Variants in TMLHE observed in about 807,000 individuals in gnomAD.
TMLHE encodes trimethyllysine dioxygenase, mitochondrial.
A neutral mutation model predicts 25.7 loss-of-function variants in TMLHE; 18 were observed. The observed-to-expected ratio is 0.70, with a 90% confidence interval of 0.48 to 1.04. The LOEUF is 1.04. Ranked by LOEUF, TMLHE falls within the 50% of genes least tolerant of loss-of-function variation. TMLHE has a pLI of 0.00. For missense variants in TMLHE, 236 were observed against 259.0 expected (o/e 0.91, Z 0.61); for synonymous variants, 105 against 97.0 (o/e 1.08, Z -0.49).
intron 1 of TMLHE, among the ~76,000 whole-genome samples, chrX:155,593,990 A>C (rs1301959279): frequency 9.0e-6 from 1 of 111,519 alleles, no homozygotes; most frequent in African/African-American, 3.3e-5. Context: ...CATGAAGAAG[A>C]ACAGAGAGGA....
chrX:155,541,057 T>G (rs2067307445), intron 2 of TMLHE, among the ~76,000 whole-genome samples: 1 of 110,999 alleles, frequency 9.0e-6, no homozygotes, highest in Admixed American at 9.6e-5. Flanking sequence ...TATTTTATTT[T>G]TTATTATACT....
chrX:155,548,332 T>TGGGTGG (rs2124419407), intron 1 of TMLHE, among the ~76,000 whole-genome samples: 2 of 112,027 alleles, frequency 1.8e-5, no homozygotes, highest in African/African-American at 6.5e-5. Context: ...GAGAAAATAA[T>TGGGTGG]TTGCCAACCA....
Position 155,573,139 on chromosome X carries a change from A to G in TMLHE, c.-1-27862T>C, listed in dbSNP as rs1234283215. 1.6e-4 allele frequency among the ~76,000 whole-genome samples: 9 copies of G among 57,625 alleles called. 1 individual carries two copies. Among genetic ancestry groups the G allele is most frequent in the African/African-American group, 3.7e-4 (9 of 24,290 alleles). The allele number at this position is 57,625 out of a possible 115,157, so 50.0% of individuals were successfully genotyped here. A position where few individuals can be genotyped will look rare whatever the true frequency, so the allele number is the denominator to read the frequency against. On this transcript the variant is annotated intron_variant, in intron 1 of 7. Coordinates refer to ENST00000334398, the MANE Select transcript of TMLHE (RefSeq NM_018196.4). ...ATGAACTCAAACAAATTTACAAGAAAAAAACAAACAACCCCATCAAAAAGT... is the reference window on the plus strand; with the variant it reads ...ATGAACTCAAACAAATTTACAAGAAGAAAACAAACAACCCCATCAAAAAGT...
At chrX:155,604,423 T>G (rs985401178) in intron 1 of TMLHE, among the ~76,000 whole-genome samples, 3 of 111,694 alleles carry the variant, frequency 2.7e-5, no homozygotes, top group African/African-American at 9.8e-5. Context: ...GGGCCCACAA[T>G]GCAGCCACTC....
intron 1 of TMLHE, among the ~76,000 whole-genome samples, chrX:155,578,598 C>G (rs1178813947): frequency 8.9e-6 from 1 of 112,000 alleles, no homozygotes; most frequent in African/African-American, 3.3e-5. Context: ...GGAGGATGCC[C>G]CATCAATGCT....
chrX:155,511,891 A>G (rs981195512), intron 4 of TMLHE, 99 bp from the exon 5 acceptor site: 2 of 918,464 alleles, frequency 2.2e-6, no homozygotes, highest in Non-Finnish European at 2.9e-6. Flanking sequence ...CTCACAAATA[A>G]CAGTAGATTT....
At chrX:155,554,254 A>G (rs2067433922) in intron 1 of TMLHE, among the ~76,000 whole-genome samples, 1 of 110,839 alleles carries the variant, frequency 9.0e-6, no homozygotes. Context: ...CATTCATTAT[A>G]TATTTCCAAG....
intron 1 of TMLHE, among the ~76,000 whole-genome samples, chrX:155,553,487 G>C (rs986325233): frequency 9.2e-6 from 1 of 108,719 alleles, no homozygotes; most frequent in African/African-American, 3.4e-5. Context: ...AGCTATATCA[G>C]CTTTCTTTTG....
chrX:155,532,379 G>A (rs1459197843), intron 2 of TMLHE, among the ~76,000 whole-genome samples: 1 of 111,941 alleles, frequency 8.9e-6, no homozygotes, highest in African/African-American at 3.3e-5. Context: ...CTTTACAGGA[G>A]AGAAGCAGAA....
intron 1 of TMLHE, among the ~76,000 whole-genome samples, chrX:155,556,880 G>A (rs782389627): frequency 1.3e-3 from 150 of 111,727 alleles, no homozygotes; most frequent in African/African-American, 4.6e-3. Context: ...CCCTAGGTGC[G>A]CATTCTCTTT....
At chrX:155,567,675 T>C (rs1288602526) in intron 1 of TMLHE, among the ~76,000 whole-genome samples, 2 of 62,091 alleles carry the variant, frequency 3.2e-5, no homozygotes, top group African/African-American at 7.2e-5. Context: ...TGAGTACAAA[T>C]GGTAGAAATC....
rs1603019691 is a variant in TMLHE, at chrX:155,514,127, T to G, written c.497A>C (p.Asp166Ala). The change falls in exon 4 of 8, where the codon GAT becomes GCT. Residue 166 changes from aspartate (D) to alanine (A), a missense_variant. Coordinates refer to ENST00000334398, the MANE Select transcript of TMLHE (RefSeq NM_018196.4). The part of the protein sequence containing the change: ...IYQQAQVPSV[D>A]CQSFLETNEG... ...GTTGGTTTCTAAGAAGCTCTGGCAA[T>G]CTACCGATGGAACTTGGGCTTGCTG... 1 of 1,211,380 alleles carries G rather than the reference T, an allele frequency of 8.3e-7. No individual in the cohort carries two copies. The highest frequency in any genetic ancestry group is 3.0e-5 in the East Asian group (1 of 33,816).
chrX:155,542,376 T>A (rs959171537), intron 2 of TMLHE, among the ~76,000 whole-genome samples: 8 of 111,547 alleles, frequency 7.2e-5, no homozygotes, highest in Middle Eastern at 4.6e-3. Context: ...TACAAATAAA[T>A]GAAAAGGCAT....
chrX:155,608,694 CTTAAA>C (rs374825991), intron 1 of TMLHE, among the ~76,000 whole-genome samples: 9 of 111,735 alleles, frequency 8.1e-5, no homozygotes, highest in African/African-American at 2.3e-4. Context: ...CTATAAGGCA[CTTAAA>C]TTAACAAGCA....
chrX:155,608,043 T>G (rs1253761495), intron 1 of TMLHE, among the ~76,000 whole-genome samples: 1 of 111,294 alleles, frequency 9.0e-6, no homozygotes, highest in East Asian at 2.8e-4. Context: ...ATTCTTCACA[T>G]AATTAAAAAA....
chrX:155,597,461 A>G (rs1451776608), intron 1 of TMLHE, among the ~76,000 whole-genome samples: 1 of 111,541 alleles, frequency 9.0e-6, no homozygotes, highest in Non-Finnish European at 1.9e-5. Flanking sequence ...ATCTAGAACT[A>G]GAAATGCCAT....
chrX:155,606,497 G>A (rs1255359412), intron 1 of TMLHE, among the ~76,000 whole-genome samples: 1 of 111,577 alleles, frequency 9.0e-6, no homozygotes, highest in African/African-American at 3.3e-5. Flanking sequence ...TAAACAACCT[G>A]CTCCTGAATG....
chrX:155,516,015 T>TTTC (rs1557334937), intron 3 of TMLHE, among the ~76,000 whole-genome samples: 3 of 86,804 alleles, frequency 3.5e-5, no homozygotes, highest in Non-Finnish European at 6.8e-5. Flanking sequence ...CTTTTCTTCT[T>TTTC]TTTTTTTTTT....
chrX:155,550,881 AT>A (rs1164529032), intron 1 of TMLHE, among the ~76,000 whole-genome samples: 1 of 111,032 alleles, frequency 9.0e-6, no homozygotes, highest in Admixed American at 9.5e-5. Flanking sequence ...GGGAAAAGCC[AT>A]TTTTTTCTTC....
Sources: allele counts gnomAD v4.1 joint callset (sites outside exome capture counted in the v4.1 genomes callset), GRCh38; gene constraint gnomAD v4.1.1; transcripts MANE v1.5; gene names NCBI Gene and HGNC (gene_info 2026-07-23, HGNC 2026-07-21).